CCSER1: variants seen among roughly 807,000 people sequenced by gnomAD.
CCSER1 encodes the protein serine-rich coiled-coil domain-containing protein 1.
In CCSER1, 41 loss-of-function variants were observed where a neutral mutation model predicts 82.0. That is an observed-to-expected ratio of 0.50 (90% confidence interval 0.39 to 0.65). The LOEUF (loss-of-function observed/expected upper bound fraction) is 0.65, where lower values mean the gene tolerates loss of function less well. Ranked by LOEUF, CCSER1 falls within the 30% of genes least tolerant of loss-of-function variation. The pLI is 0.00. For missense variants in CCSER1, 1,119 were observed against 1,064.2 expected, an observed-to-expected ratio of 1.05 and a Z score of -0.72; for synonymous variants, 414 against 383.9, an observed-to-expected ratio of 1.08 and a Z score of -0.92.
At chr4:90,852,654 A>T (rs1482632993) in intron 8 of CCSER1, among the ~76,000 whole-genome samples, 1 of 152,224 alleles carries the variant, frequency 6.6e-6, no homozygotes, top group Non-Finnish European at 1.5e-5. Flanking sequence ...CTAGCTAGGA[A>T]GAACATTTAA....
At chr4:90,592,919 C>G (rs559184072) in intron 5 of CCSER1, among the ~76,000 whole-genome samples, 33 of 152,250 alleles carry the variant, frequency 2.2e-4, no homozygotes, top group African/African-American at 7.7e-4. Context: ...TTAAACTCTT[C>G]TATAACATCA....
intron 10 of CCSER1, among the ~76,000 whole-genome samples, chr4:91,454,480 G>T (rs190310553): frequency 2.0e-5 from 3 of 152,048 alleles, no homozygotes; most frequent in Middle Eastern, 6.8e-3. Context: ...GGACCCACCT[G>T]GATAATCCAG....
intron 8 of CCSER1, among the ~76,000 whole-genome samples, chr4:90,872,585 T>C (rs1439728847): frequency 2.0e-5 from 3 of 152,000 alleles, no homozygotes; most frequent in Non-Finnish European, 4.4e-5. Context: ...TCTTGAATAG[T>C]TGTAGTTATT....
At chr4:90,358,964 G>T (rs962884036) in intron 3 of CCSER1, among the ~76,000 whole-genome samples, 1 of 152,104 alleles carries the variant, frequency 6.6e-6, no homozygotes, top group African/African-American at 2.4e-5. Context: ...GAGATATATT[G>T]ACTAAAATTC....
At position 90,628,137 on chromosome 4, in the gene CCSER1, A is replaced by G. The variant is rs202243228; in HGVS notation, c.1837A>G (p.Asn613Asp). Reference sequence around the variant, plus strand: ...TTGGCCTCTACAAGGTGTGGAAGAAAACGGAGGCATAGATTCTCTGCCATT... The same window carrying G: ...TTGGCCTCTACAAGGTGTGGAAGAAGACGGAGGCATAGATTCTCTGCCATT... ...ADWPLQGVEE[N>D]GGIDSLPFRL... The change falls in exon 6 of 11, where the codon AAC becomes GAC. Residue 613 changes from asparagine to aspartate, a missense_variant. Asn to Asp is a conservative substitution (Grantham distance 23, BLOSUM62 1). Coordinates refer to ENST00000509176, the MANE Select transcript of CCSER1 (RefSeq NM_001145065.2). The G allele has an allele frequency of 6.2e-7, 1 of 1,613,856 alleles. No homozygotes were observed. The highest frequency in any genetic ancestry group is 1.7e-4 in the Middle Eastern group (1 of 6,058).
At chr4:90,926,279 C>T (rs531261464) in intron 9 of CCSER1, among the ~76,000 whole-genome samples, 53 of 152,044 alleles carry the variant, frequency 3.5e-4, no homozygotes, top group African/African-American at 1.2e-3. Context: ...AGAAACATCT[C>T]GTGGAAATCT....
intron 10 of CCSER1, among the ~76,000 whole-genome samples, chr4:91,169,904 A>G (rs1482937246): frequency 6.6e-6 from 1 of 152,210 alleles, no homozygotes; most frequent in Non-Finnish European, 1.5e-5. Context: ...GCTCAATGAA[A>G]AATTCCATAT....
intron 8 of CCSER1, among the ~76,000 whole-genome samples, chr4:90,914,408 T>G (rs2085094): frequency 0.47 from 70,705 of 151,610 alleles, 18,107 homozygotes; most frequent in African/African-American, 0.7. Flanking sequence ...GGTACATAAC[T>G]AAATGAAGGC....
chr4:90,248,114 T>C (rs1282675016), intron 1 of CCSER1, among the ~76,000 whole-genome samples: 2 of 152,174 alleles, frequency 1.3e-5, no homozygotes, highest in African/African-American at 2.4e-5. Context: ...ATTAGATTTA[T>C]AGGTTTCAAA....
At chr4:90,325,794 A>G (rs750915208) in intron 3 of CCSER1, 36 of 259,086 alleles carry the variant, frequency 1.4e-4, no homozygotes, top group Non-Finnish European at 2.9e-4. Context: ...TTAAATTAAC[A>G]TCAATAAATT....
intron 4 of CCSER1, among the ~76,000 whole-genome samples, chr4:90,452,798 A>T (rs1274350657): frequency 2.0e-5 from 3 of 152,092 alleles, no homozygotes; most frequent in African/African-American, 7.2e-5. Flanking sequence ...AGTGCCCAAG[A>T]ATGCCTCAGT....
Position 90,387,635 on chromosome 4 carries a change from A to G in CCSER1, c.1510-12401A>G, listed in dbSNP as rs921016443. Among the ~76,000 whole-genome samples the G allele has an allele frequency of 2.0e-5, 3 of 152,184 alleles. No individual in the cohort carries two copies. In the South Asian group the frequency reaches 6.2e-4, roughly 32 times the overall value. On this transcript the variant is annotated intron_variant, in intron 3 of 10. Transcript: ENST00000509176. ...CTGAGATTAACCATGTAGTCAATCA[A>G]TCAATCAGTCAATGATACCTGAGTA...
chr4:90,789,163 T>C (rs1754910015), intron 7 of CCSER1, among the ~76,000 whole-genome samples: 1 of 152,150 alleles, frequency 6.6e-6, no homozygotes, highest in South Asian at 2.1e-4. Flanking sequence ...TGGACTCTGC[T>C]TCCAAAACAC....
At chr4:90,231,823 C>A (rs1186343611) in intron 1 of CCSER1, among the ~76,000 whole-genome samples, 1 of 150,712 alleles carries the variant, frequency 6.6e-6, no homozygotes, top group Admixed American at 6.6e-5. Flanking sequence ...TCTTATACAC[C>A]AACAACAGAC....
At chr4:90,532,670 C>T (rs1249793545) in intron 5 of CCSER1, among the ~76,000 whole-genome samples, 5 of 152,114 alleles carry the variant, frequency 3.3e-5, no homozygotes, top group Non-Finnish European at 5.9e-5. Context: ...TATTCTGCTT[C>T]TCAGTTTCTT....
chr4:90,477,149 A>G (rs896733529), intron 5 of CCSER1, among the ~76,000 whole-genome samples: 5 of 152,232 alleles, frequency 3.3e-5, no homozygotes, highest in Admixed American at 1.3e-4. Flanking sequence ...AATGTGTTCT[A>G]TAATTTAGGT....
chr4:90,622,194 A>G (rs1258223343), intron 5 of CCSER1, among the ~76,000 whole-genome samples: 1 of 152,162 alleles, frequency 6.6e-6, no homozygotes, highest in Non-Finnish European at 1.5e-5. Context: ...AAGTCTTACC[A>G]TATAAAAGAG....
rs189905322 is a variant in CCSER1 at position 90,484,852 on chromosome 4, A to C, written c.1724+16498A>C. Among the ~76,000 whole-genome samples, 142 of 152,288 alleles carry C rather than the reference A, an allele frequency of 9.3e-4. 2 individuals carry two copies. The East Asian group carries it at 0.026, about 28-fold the overall frequency. On this transcript the variant is annotated intron_variant, in intron 5 of 10. Transcript: ENST00000509176. ...ACCCTCTTGAGGAGACAGTCTGCTCATTCTCAGATCTCAAGCTGTGTGCTG... is the reference window on the plus strand; with the variant it reads ...ACCCTCTTGAGGAGACAGTCTGCTCCTTCTCAGATCTCAAGCTGTGTGCTG...
At chr4:90,235,738 T>A (rs572575425) in intron 1 of CCSER1, among the ~76,000 whole-genome samples, 1 of 152,042 alleles carries the variant, frequency 6.6e-6, no homozygotes, top group East Asian at 1.9e-4. Flanking sequence ...AAAATTCAGG[T>A]CTATATTTGA....
Sources: gnomAD v4.1 joint callset for allele counts (sites outside exome capture counted in the v4.1 genomes callset) on GRCh38, gnomAD v4.1.1 for gene constraint, MANE v1.5 for transcripts, NCBI Gene and HGNC (gene_info 2026-07-23, HGNC 2026-07-21) for gene names.